The following ADGRG4 variants were observed in gnomAD, a reference collection of about 807,000 sequenced individuals.
ADGRG4 encodes adhesion G protein-coupled receptor G4.
Under a neutral mutation model 126.2 loss-of-function variants are expected in ADGRG4, and 122 were observed. The ratio of observed to expected loss-of-function variants is 0.97; its 90% CI spans 0.83 to 1.12. The LOEUF (loss-of-function observed/expected upper bound fraction) is 1.12. ADGRG4 is among the 50% of genes most tolerant of loss of function. ADGRG4 has a pLI of 0.00. For missense variants in ADGRG4, 2,481 were observed against 2,251.8 expected (o/e 1.10, Z -2.06); for synonymous variants, 943 against 838.7 (o/e 1.12, Z -2.15).
At position 136,344,992 on chromosome X, in the gene ADGRG4, C is replaced by T. The variant is rs752868855; in HGVS notation, c.1286C>T (p.Pro429Leu). 5 of 1,211,482 alleles carry T rather than the reference C, an allele frequency of 4.1e-6. No homozygotes were observed. In the Admixed American group the frequency reaches 1.1e-4, roughly 26 times the overall value. The change falls in exon 6 of 26, where the codon CCT (proline) becomes CTT (leucine). Residue 429 changes from proline (P) to leucine (L), a missense_variant. Transcript: ENST00000394143. ...AAATCCACAAATACTGGGGCACTCC[C>T]TATCTCCACAGCTGGCCAGGAGTTC... is the stretch of plus-strand genomic sequence containing the variant. ...KQKSTNTGAL[P>L]ISTAGQEFIE... is the part of the protein sequence containing the mutation.
At chrX:136,340,464 G>A (rs932634106) in intron 5 of ADGRG4, among the ~76,000 whole-genome samples, 1 of 111,507 alleles carries the variant, frequency 9.0e-6, no homozygotes, top group East Asian at 2.8e-4. Flanking sequence ...CAGCAAAGTC[G>A]CCTTGATGTT....
chrX:136,318,967 G>T (rs1603291443), intron 4 of ADGRG4, among the ~76,000 whole-genome samples: 1 of 112,404 alleles, frequency 8.9e-6, no homozygotes, highest in African/African-American at 3.2e-5. Flanking sequence ...AGACACAGAG[G>T]AGCCAAATCA....
At chrX:136,408,690 T>A (rs1170198048) in intron 23 of ADGRG4, among the ~76,000 whole-genome samples, 1 of 111,958 alleles carries the variant, frequency 8.9e-6, no homozygotes, top group African/African-American at 3.2e-5. Flanking sequence ...AGGGTACATG[T>A]GTCTTTTTGG....
intron 20 of ADGRG4, among the ~76,000 whole-genome samples, chrX:136,398,948 A>G (rs2075364926): frequency 8.9e-6 from 1 of 112,673 alleles, no homozygotes; most frequent in African/African-American, 3.2e-5. Flanking sequence ...ACACAGCAGT[A>G]AAAAATGAAT....
chrX:136,412,800 A>G (rs1374567630), intron 24 of ADGRG4, among the ~76,000 whole-genome samples: 1 of 112,247 alleles, frequency 8.9e-6, no homozygotes, highest in East Asian at 2.8e-4. Context: ...AGTGGGCTGT[A>G]CAGGTGTACT....
chrX:136,339,582 G>A (rs770514948), intron 5 of ADGRG4, among the ~76,000 whole-genome samples: 7 of 112,504 alleles, frequency 6.2e-5, no homozygotes, highest in African/African-American at 2.3e-4. Flanking sequence ...CTGTTTCTAG[G>A]TTGGGGATTA....
intron 5 of ADGRG4, among the ~76,000 whole-genome samples, chrX:136,338,301 A>C (rs1244362208): frequency 9.1e-6 from 1 of 109,315 alleles, no homozygotes; most frequent in Non-Finnish European, 1.9e-5. Flanking sequence ...GGCACTCAAC[A>C]CCATGTCTGG....
In ADGRG4 at chrX:136,344,617, A is replaced by T. The variant is rs1277688779; in HGVS notation, c.911A>T (p.Lys304Met). 1 of 1,209,010 alleles carries T rather than the reference A, an allele frequency of 8.3e-7. No individual in the cohort carries two copies. Among genetic ancestry groups the T allele is most frequent in the Admixed American group, 2.2e-5 (1 of 45,848 alleles). ...ACAATGACTGCACAAAAAATCTTAAAGACACTGGTAGATGAGACAGCTACA... is the reference window on the plus strand; with the variant it reads ...ACAATGACTGCACAAAAAATCTTAATGACACTGGTAGATGAGACAGCTACA... ...LETMTAQKIL[K>M]TLVDETATFA... is the part of the protein sequence containing the mutation. Residue 304 changes from lysine to methionine, a missense_variant, in exon 6 of 26, where the codon AAG becomes ATG. Physicochemically the swap from Lys to Met is moderately conservative, Grantham distance 95 (BLOSUM62 -1). Transcript: ENST00000394143.
At chrX:136,335,840 GTCT>G (rs1363190273) in intron 5 of ADGRG4, among the ~76,000 whole-genome samples, 1 of 110,177 alleles carries the variant, frequency 9.1e-6, no homozygotes, top group African/African-American at 3.3e-5. Context: ...TTTCTCTATT[GTCT>G]TCTTATTTTT....
At chrX:136,377,167 C>CTTTTTTTTCTTTTTTTTTTTT (rs2075231672) in intron 15 of ADGRG4, among the ~76,000 whole-genome samples, 1 of 48,656 alleles carries the variant, frequency 2.1e-5, no homozygotes, top group Non-Finnish European at 3.4e-5. Flanking sequence ...GTTTTCTTTC[C>CTTTTTTTTCTTTTTTTTTTTT]TTTTTTTTTT....
At chrX:136,378,541 A>T (rs1344553679) in intron 15 of ADGRG4, among the ~76,000 whole-genome samples, 1 of 111,548 alleles carries the variant, frequency 9.0e-6, no homozygotes, top group East Asian at 2.8e-4. Flanking sequence ...GAAGTGGTTG[A>T]AGTGGGCATC....
intron 15 of ADGRG4, among the ~76,000 whole-genome samples, chrX:136,387,453 C>G (rs906542367): frequency 7.2e-5 from 8 of 111,760 alleles, no homozygotes; most frequent in African/African-American, 9.8e-5. Context: ...CCTCTCATCT[C>G]TATTATTACC....
intron 5 of ADGRG4, among the ~76,000 whole-genome samples, chrX:136,337,550 T>C (rs1207260941): frequency 8.9e-6 from 1 of 112,698 alleles, no homozygotes; most frequent in Non-Finnish European, 1.9e-5. Flanking sequence ...TTCCATTTTA[T>C]TCCTGTAAGA....
intron 4 of ADGRG4, among the ~76,000 whole-genome samples, chrX:136,309,264 T>C (rs1429530505): frequency 8.9e-6 from 1 of 112,292 alleles, no homozygotes; most frequent in African/African-American, 3.2e-5. Flanking sequence ...AATCATAGAA[T>C]ACAGATGGGG....
rs143735478 is a variant in ADGRG4, at chrX:136,346,323, G to A, written c.2617G>A (p.Glu873Lys). Residue 873 changes from glutamate to lysine, a missense_variant, in exon 6 of 26, where the codon GAA becomes AAA. Transcript: ENST00000394143. ...TTCAACAATGCTGGAAGTGACAGAC[G>A]AATCAGCACAAAGGGTGACAGCTTC... ...PFSTMLEVTD[E>K]SAQRVTASVT... is the part of the protein sequence containing the mutation. The A allele has an allele frequency of 4.1e-6, 5 of 1,209,234 alleles. No homozygotes were observed. Among genetic ancestry groups the A allele is most frequent in the Admixed American group, 4.4e-5 (2 of 45,719 alleles).
intron 3 of ADGRG4, among the ~76,000 whole-genome samples, chrX:136,307,059 C>T (rs1248666721): frequency 8.9e-6 from 1 of 111,738 alleles, no homozygotes; most frequent in East Asian, 2.8e-4. Context: ...TGTAAATGTC[C>T]CATGATTTAT....
rs748033473 is a variant in ADGRG4, at chrX:136,347,503, G to T, written c.3797G>T (p.Gly1266Val). 10 of 1,209,663 alleles carry T rather than the reference G, an allele frequency of 8.3e-6. No individual in the cohort carries two copies. In the Middle Eastern group the frequency reaches 9.2e-4, roughly 111 times the overall value. ...AAAGACCAGATGACCATATCCCTGG[G>T]AAAAACCCCTAGAACTATGGAGGTG... ...SDKDQMTISL[G>V]KTPRTMEVTE... is the part of the protein sequence containing the mutation. The change falls in exon 6 of 26, where the codon GGA becomes GTA. Residue 1266 changes from glycine (G) to valine (V), a missense_variant. Physicochemically the swap from Gly to Val is moderately radical, Grantham distance 109 (BLOSUM62 -3). Coordinates refer to ENST00000394143, the MANE Select transcript of ADGRG4 (RefSeq NM_153834.4).
At chrX:136,313,219 A>C (rs1226566507) in intron 4 of ADGRG4, among the ~76,000 whole-genome samples, 1 of 112,201 alleles carries the variant, frequency 8.9e-6, no homozygotes, top group East Asian at 2.8e-4. Flanking sequence ...TAACATTTTG[A>C]GGAGCACGCA....
chrX:136,337,787 G>A (rs954894634), intron 5 of ADGRG4, among the ~76,000 whole-genome samples: 42 of 111,933 alleles, frequency 3.8e-4, no homozygotes, highest in African/African-American at 1.4e-3. Context: ...GATTTCTTTG[G>A]CTTTTATCCT....
Sources: allele counts gnomAD v4.1 joint callset (sites outside exome capture counted in the v4.1 genomes callset), GRCh38; gene constraint gnomAD v4.1.1; transcripts MANE v1.5; gene names NCBI Gene and HGNC (gene_info 2026-07-23, HGNC 2026-07-21).